SLC44A5: variants seen among roughly 807,000 people sequenced by gnomAD.
SLC44A5 encodes the protein solute carrier family 44 member 5.
A neutral mutation model predicts 101.8 loss-of-function variants in SLC44A5; 57 were observed. That is an observed-to-expected ratio of 0.56 (90% CI 0.45 to 0.70). The LOEUF (loss-of-function observed/expected upper bound fraction) is 0.70. Among genes scored for constraint, SLC44A5 ranks in the 30% least tolerant of loss-of-function variants. SLC44A5 has a pLI of 0.00. For synonymous variants in SLC44A5, 281 were observed against 290.9 expected (o/e 0.97, Z 0.35); for missense variants, 737 against 853.1 (o/e 0.86, Z 1.70).
chr1:75,342,798 G>A (rs1351847377), intron 3 of SLC44A5, among the ~76,000 whole-genome samples: 1 of 152,072 alleles, frequency 6.6e-6, no homozygotes, highest in Non-Finnish European at 1.5e-5. Context: ...TGCCATTGTC[G>A]AATCTGCCTG....
At chr1:75,208,016 C>T (rs923693127) in intron 23 of SLC44A5, among the ~76,000 whole-genome samples, 2 of 152,090 alleles carry the variant, frequency 1.3e-5, no homozygotes, top group Non-Finnish European at 2.9e-5. Context: ...TTAATAATGG[C>T]CCCAAATTGC....
chr1:75,445,323 G>C (rs1445945568), intron 2 of SLC44A5, among the ~76,000 whole-genome samples: 1 of 151,872 alleles, frequency 6.6e-6, no homozygotes, highest in Admixed American at 6.6e-5. Context: ...ATGAGTAAAG[G>C]CATCCTTAGG....
intron 3 of SLC44A5, among the ~76,000 whole-genome samples, chr1:75,378,695 G>C (rs1461322437): frequency 1.5e-5 from 1 of 67,980 alleles, no homozygotes; most frequent in Non-Finnish European, 2.5e-5. Flanking sequence ...AGAAGGAAAA[G>C]GTCCAGAATT....
At chr1:75,229,825 A>G (rs757686891) in intron 12 of SLC44A5, among the ~76,000 whole-genome samples, 1 of 152,250 alleles carries the variant, frequency 6.6e-6, no homozygotes, top group Non-Finnish European at 1.5e-5. Flanking sequence ...TTGAATAAAC[A>G]GAATAATGTA....
At chr1:75,591,837 T>TAAA (rs5775298) in intron 1 of SLC44A5, among the ~76,000 whole-genome samples, 1 of 149,280 alleles carries the variant, frequency 6.7e-6, no homozygotes, top group South Asian at 2.1e-4. Context: ...CCTTTCATGA[T>TAAA]AAAAAAAAAA....
chr1:75,401,306 T>C (rs1389437977), intron 2 of SLC44A5, among the ~76,000 whole-genome samples: 1 of 152,182 alleles, frequency 6.6e-6, no homozygotes, highest in Non-Finnish European at 1.5e-5. Flanking sequence ...TGGAACTACA[T>C]AGGTGAACAA....
intron 2 of SLC44A5, among the ~76,000 whole-genome samples, chr1:75,478,354 A>C (rs980454895): frequency 6.6e-6 from 1 of 152,238 alleles, no homozygotes; most frequent in Non-Finnish European, 1.5e-5. Flanking sequence ...CTAACGAGCA[A>C]AATAACCAGC....
At chr1:75,425,047 C>T (rs1231728263) in intron 2 of SLC44A5, among the ~76,000 whole-genome samples, 1 of 152,108 alleles carries the variant, frequency 6.6e-6, no homozygotes, top group African/African-American at 2.4e-5. Flanking sequence ...AATATTTCAC[C>T]TTCTTTTTCC....
the SLC44A5 span, among the ~76,000 whole-genome samples, chr1:75,633,393 C>T: frequency 3.3e-5 from 5 of 152,130 alleles, no homozygotes; most frequent in Non-Finnish European, 7.4e-5. Flanking sequence ...TCTTTTATTT[C>T]ATTGAGCAGT....
At chr1:75,225,418 A>G (rs937808159) in intron 13 of SLC44A5, among the ~76,000 whole-genome samples, 1 of 152,164 alleles carries the variant, frequency 6.6e-6, no homozygotes, top group African/African-American at 2.4e-5. Context: ...GCAACACATG[A>G]CTATCCTATA....
At chr1:75,361,079 A>G (rs1659454754) in intron 3 of SLC44A5, among the ~76,000 whole-genome samples, 1 of 151,760 alleles carries the variant, frequency 6.6e-6, no homozygotes, top group Non-Finnish European at 1.5e-5. Flanking sequence ...TATAAATGAG[A>G]TTTTTTTCTT....
At chr1:75,445,626 C>A in intron 2 of SLC44A5, among the ~76,000 whole-genome samples, 1 of 121,468 alleles carries the variant, frequency 8.2e-6, no homozygotes, top group Non-Finnish European at 1.7e-5. Flanking sequence ...AGTGCCTGAA[C>A]TCAGTCCTCA....
rs182372275 is a variant in SLC44A5, at chr1:75,385,112, T to C, written c.52+11471A>G. Among the ~76,000 whole-genome samples the C allele has an allele frequency of 4.3e-3, 646 of 151,646 alleles. 5 individuals are homozygous for C. The highest frequency in any genetic ancestry group is 0.015 in the African/African-American group (626 of 41,262). ...TGCCCACAAGAGAAAGCAGGAAAGA[T>C]CCAAAATTGACACCCTAACATCACA... On this transcript the variant is annotated intron_variant, in intron 3 of 23. Coordinates refer to ENST00000370859, the MANE Select transcript of SLC44A5 (RefSeq NM_001130058.2).
chr1:75,357,462 G>A (rs1659166019), intron 3 of SLC44A5, among the ~76,000 whole-genome samples: 1 of 152,130 alleles, frequency 6.6e-6, no homozygotes, highest in Admixed American at 6.6e-5. Flanking sequence ...ACACAAAGAT[G>A]GATAAGAAAC....
At chr1:75,615,805 G>A (rs1675854203), upstream of SLC44A5, 7 of 953,222 alleles carry the variant, frequency 7.3e-6, no homozygotes, top group Non-Finnish European at 8.8e-6. Context: ...GGGGCAGAGG[G>A]CGGGTGAGAG....
chr1:75,226,153 A>G (rs1420426269), intron 13 of SLC44A5, among the ~76,000 whole-genome samples: 1 of 152,308 alleles, frequency 6.6e-6, no homozygotes, highest in South Asian at 2.1e-4. Flanking sequence ...ATTCCATAAC[A>G]TATTTGGAAA....
Position 75,520,991 on chromosome 1 carries a change from C to G in SLC44A5, c.13+20444G>C, listed in dbSNP as rs115514139. Among the ~76,000 whole-genome samples the G allele has an allele frequency of 8.0e-3, 1,214 of 152,216 alleles. 9 individuals are homozygous for G. The highest frequency in any genetic ancestry group is 0.028 in the African/African-American group (1,145 of 41,526). Reference sequence around the variant, plus strand: ...TGACTCAGCAATATATTCCTGAGGTCAGTTGTCCTGACACAGGGTAGCAGG... The same window carrying G: ...TGACTCAGCAATATATTCCTGAGGTGAGTTGTCCTGACACAGGGTAGCAGG... On this transcript the variant is annotated intron_variant, in intron 2 of 23. Transcript: ENST00000370859.
intron 2 of SLC44A5, among the ~76,000 whole-genome samples, chr1:75,479,873 AAG>A (rs1450100346): frequency 6.6e-6 from 1 of 152,258 alleles, no homozygotes; most frequent in African/African-American, 2.4e-5. Context: ...TCAATAGAAA[AAG>A]AGGGAATCCT....
the SLC44A5 span, among the ~76,000 whole-genome samples, chr1:75,661,650 C>T: frequency 6.6e-6 from 1 of 151,824 alleles, no homozygotes; most frequent in Admixed American, 6.6e-5. Context: ...GGAACTCAAA[C>T]AACTCAACCA....
Sources: allele counts gnomAD v4.1 joint callset (sites outside exome capture counted in the v4.1 genomes callset), GRCh38; gene constraint gnomAD v4.1.1; transcripts MANE v1.5; gene names NCBI Gene and HGNC (gene_info 2026-07-23, HGNC 2026-07-21).